DYM: variants seen among roughly 807,000 people sequenced by gnomAD.
The protein encoded by DYM is dyggve-Melchior-Clausen syndrome protein.
In DYM, 78 loss-of-function variants were observed where a neutral mutation model predicts 93.1. The observed-to-expected ratio is 0.84, with a 90% CI of 0.70 to 1.01. The LOEUF is 1.01. Among genes scored for constraint, DYM ranks in the 50% least tolerant of loss-of-function variants. The pLI is 0.00. For missense variants in DYM, 789 were observed against 845.0 expected (o/e 0.93, Z 0.82); for synonymous variants, 321 against 319.7 (o/e 1.00, Z -0.04).
chr18:49,207,975 G>T (rs2092602966), intron 14 of DYM, among the ~76,000 whole-genome samples: 2 of 152,040 alleles, frequency 1.3e-5, no homozygotes, highest in Non-Finnish European at 2.9e-5. Flanking sequence ...TTGAGGTCAG[G>T]AGTTCAAGAC....
chr18:49,151,582 C>A (rs954748465), intron 15 of DYM, among the ~76,000 whole-genome samples: 1 of 152,068 alleles, frequency 6.6e-6, no homozygotes, highest in East Asian at 1.9e-4. Context: ...TCATAATAGC[C>A]GAATTAAAGG....
At chr18:49,288,705 G>C (rs187100733) in intron 8 of DYM, among the ~76,000 whole-genome samples, 3 of 151,816 alleles carry the variant, frequency 2.0e-5, no homozygotes, top group Non-Finnish European at 4.4e-5. Context: ...TCTTGAACCC[G>C]AGAGGCAGAG....
At chr18:49,449,158 C>T (rs183285225) in intron 1 of DYM, among the ~76,000 whole-genome samples, 75 of 152,228 alleles carry the variant, frequency 4.9e-4, no homozygotes, top group Non-Finnish European at 6.0e-4. Context: ...AGACCTTAGG[C>T]AAATAAAGGT....
chr18:49,424,648 C>A (rs75929155), intron 2 of DYM, among the ~76,000 whole-genome samples: 12,197 of 152,142 alleles, frequency 0.08, 769 homozygotes, highest in East Asian at 0.31. Flanking sequence ...AAAACTCCAT[C>A]AACTCAGTCC....
chr18:49,225,963 A>G (rs182254528), intron 13 of DYM, among the ~76,000 whole-genome samples: 24 of 152,134 alleles, frequency 1.6e-4, no homozygotes, highest in Non-Finnish European at 2.9e-4. Context: ...GAAAAATCAT[A>G]TTATCTCTTA....
chr18:49,332,971 C>G (rs1190125789), intron 7 of DYM, among the ~76,000 whole-genome samples: 1 of 152,128 alleles, frequency 6.6e-6, no homozygotes, highest in Non-Finnish European at 1.5e-5. Context: ...GACTCCAAAG[C>G]CCAGATCCTT....
intron 13 of DYM, among the ~76,000 whole-genome samples, chr18:49,237,563 TTTGAG>T (rs1263899604): frequency 7.2e-5 from 11 of 152,240 alleles, no homozygotes; most frequent in African/African-American, 1.7e-4. Flanking sequence ...ACTTTTGTTC[TTTGAG>T]TTATTTTTGA....
chr18:49,067,906 G>T (rs1188312148), intron 17 of DYM, among the ~76,000 whole-genome samples: 1 of 151,948 alleles, frequency 6.6e-6, no homozygotes, highest in South Asian at 2.1e-4. Context: ...GATCTGAGAT[G>T]TTACTGCTGA....
chr18:49,291,113 C>CATA (rs1270232312), intron 8 of DYM, among the ~76,000 whole-genome samples: 1 of 152,156 alleles, frequency 6.6e-6, no homozygotes, highest in Admixed American at 6.5e-5. Flanking sequence ...TTAATCTTTG[C>CATA]ATATACATAT....
intron 14 of DYM, among the ~76,000 whole-genome samples, chr18:49,200,875 C>G (rs1301954868): frequency 6.6e-6 from 1 of 152,084 alleles, no homozygotes; most frequent in Non-Finnish European, 1.5e-5. Context: ...ACTTAAAGAT[C>G]TACTCTCCTA....
chr18:49,093,691 A>G (rs2079286818), intron 17 of DYM, among the ~76,000 whole-genome samples: 1 of 152,116 alleles, frequency 6.6e-6, no homozygotes, highest in African/African-American at 2.4e-5. Flanking sequence ...GAAGAGAGTG[A>G]CTGTGGACAC....
chr18:49,246,186 C>G (rs2094161410), intron 13 of DYM, among the ~76,000 whole-genome samples: 1 of 152,214 alleles, frequency 6.6e-6, no homozygotes, highest in Non-Finnish European at 1.5e-5. Flanking sequence ...CTTTTCCAAA[C>G]TATCCTTGTC....
chr18:49,183,716 T>C (rs58143830), intron 14 of DYM, among the ~76,000 whole-genome samples: 5,990 of 152,186 alleles, frequency 0.039, 388 homozygotes, highest in African/African-American at 0.14. Flanking sequence ...TCAGAAATAA[T>C]TTGGGATGCA....
chr18:49,107,725 T>C (rs545570584), intron 16 of DYM, among the ~76,000 whole-genome samples: 1 of 152,146 alleles, frequency 6.6e-6, no homozygotes, highest in African/African-American at 2.4e-5. Context: ...ACAGCGGATA[T>C]TGGTGAGCAG....
chr18:49,145,838 C>T (rs530931993), intron 15 of DYM, among the ~76,000 whole-genome samples: 109 of 152,130 alleles, frequency 7.2e-4, no homozygotes, highest in African/African-American at 2.5e-3. Context: ...GTCTTTTATG[C>T]AAGTAGTCTT....
chr18:49,050,232 A>G (rs2072234029), intron 17 of DYM, among the ~76,000 whole-genome samples: 1 of 151,866 alleles, frequency 6.6e-6, no homozygotes, highest in Non-Finnish European at 1.5e-5. Flanking sequence ...GATTACAGGC[A>G]TGTGCCACCA....
chr18:49,175,510 C>G (rs2089279249), intron 14 of DYM, among the ~76,000 whole-genome samples: 1 of 152,156 alleles, frequency 6.6e-6, no homozygotes, highest in Admixed American at 6.6e-5. Flanking sequence ...GCCTTACTAA[C>G]CATAAACATT....
intron 14 of DYM, among the ~76,000 whole-genome samples, chr18:49,177,702 A>AT (rs1445753777): frequency 1.3e-5 from 2 of 152,010 alleles, no homozygotes; most frequent in African/African-American, 4.8e-5. Context: ...TGTCCTACAC[A>AT]TTTTTCCCAT....
chr18:49,269,069 G>C (rs933806622), intron 11 of DYM, among the ~76,000 whole-genome samples: 3 of 152,214 alleles, frequency 2.0e-5, no homozygotes, highest in African/African-American at 7.2e-5. Context: ...TAAAGGGCTA[G>C]TATCTAAAAT....
Sources: allele counts gnomAD v4.1 joint callset (sites outside exome capture counted in the v4.1 genomes callset), GRCh38; gene constraint gnomAD v4.1.1; transcripts MANE v1.5; gene names NCBI Gene and HGNC (gene_info 2026-07-23, HGNC 2026-07-21).